Variants in UNC5C observed in about 807,000 individuals in gnomAD.
UNC5C encodes the protein unc-5 netrin receptor C, also known as netrin receptor UNC5C.
UNC5C carries 47 observed loss-of-function variants against 99.8 expected under a neutral mutation model. The observed-to-expected ratio is 0.47, with a 90% CI of 0.37 to 0.60. The LOEUF (loss-of-function observed/expected upper bound fraction) is 0.60. UNC5C is among the 20% of genes least tolerant of loss of function. UNC5C has a pLI of 0.00. For missense variants in UNC5C, 1,062 were observed against 1,165.9 expected (o/e 0.91, Z 1.30); for synonymous variants, 487 against 452.2 (o/e 1.08, Z -0.98).
intron 1 of UNC5C, among the ~76,000 whole-genome samples, chr4:95,455,527 A>T (rs1444430377): frequency 1.3e-5 from 2 of 152,034 alleles, no homozygotes; most frequent in African/African-American, 4.8e-5. Context: ...TTGAGAGGTT[A>T]GGCTGGAGGA....
chr4:95,464,983 G>C (rs1747729170), intron 1 of UNC5C, among the ~76,000 whole-genome samples: 1 of 152,146 alleles, frequency 6.6e-6, no homozygotes, highest in African/African-American at 2.4e-5. Flanking sequence ...TAATGAAAAA[G>C]ATATTCTTGT....
chr4:95,374,678 T>C (rs975213626), intron 1 of UNC5C, among the ~76,000 whole-genome samples: 3 of 151,990 alleles, frequency 2.0e-5, no homozygotes, highest in African/African-American at 7.3e-5. Context: ...AGGAGGAGCA[T>C]AGTTGGGGAA....
chr4:95,383,357 A>G (rs1423861268), intron 1 of UNC5C, among the ~76,000 whole-genome samples: 4 of 152,250 alleles, frequency 2.6e-5, no homozygotes, highest in Admixed American at 2.6e-4. Flanking sequence ...ATGAACAAGC[A>G]CATTCAATTA....
At chr4:95,396,222 A>G (rs1745504806) in intron 1 of UNC5C, among the ~76,000 whole-genome samples, 1 of 152,252 alleles carries the variant, frequency 6.6e-6, no homozygotes, top group South Asian at 2.1e-4. Context: ...AGAACACATG[A>G]ATTCAGGATA....
At position 95,208,849 on chromosome 4, in the gene UNC5C, A is replaced by G. The variant is rs183520378; in HGVS notation, c.1734-2053T>C. Among the ~76,000 whole-genome samples the G allele has an allele frequency of 3.3e-5, 5 of 152,268 alleles. No homozygotes were observed. The East Asian group carries it at 7.7e-4, about 24-fold the overall frequency. On this transcript the variant is annotated intron_variant, in intron 10 of 15. Transcript: ENST00000453304. ...ATGGATTTTTCTCTAGTTTTTGTCT[A>G]TGGTTTACGTATTATTTATTACATA... is the stretch of plus-strand genomic sequence containing the variant.
rs571789020 is a variant in UNC5C, at chr4:95,546,121, C to G, written c.124+2613G>C. ...TCAGCAACAGAATAAAAACCTCATC[C>G]ACATTGTAAAGTGCTTAAAGTAACT... On this transcript the variant is annotated intron_variant, in intron 1 of 15. Coordinates refer to ENST00000453304, the MANE Select transcript of UNC5C (RefSeq NM_003728.4). 7.2e-5 allele frequency among the ~76,000 whole-genome samples: 11 copies of G among 152,268 alleles called. No individual in the cohort carries two copies. In the East Asian group the frequency reaches 1.9e-3, roughly 27 times the overall value.
intron 1 of UNC5C, among the ~76,000 whole-genome samples, chr4:95,381,273 C>A (rs1745062654): frequency 6.6e-6 from 1 of 152,118 alleles, no homozygotes; most frequent in Admixed American, 6.6e-5. Context: ...AAGAGCTATA[C>A]CATGGAGCTG....
chr4:95,291,538 T>C (rs1741450869), intron 3 of UNC5C, among the ~76,000 whole-genome samples: 1 of 152,226 alleles, frequency 6.6e-6, no homozygotes, highest in South Asian at 2.1e-4. Context: ...CTGTGTTCTA[T>C]GAATTCGTTG....
At chr4:95,289,916 T>C (rs963082979) in intron 3 of UNC5C, among the ~76,000 whole-genome samples, 2 of 152,226 alleles carry the variant, frequency 1.3e-5, no homozygotes, top group African/African-American at 4.8e-5. Context: ...GAATAGAGTA[T>C]CTGATTTTTG....
intron 6 of UNC5C, among the ~76,000 whole-genome samples, chr4:95,244,472 T>C (rs1245006709): frequency 6.6e-6 from 1 of 152,204 alleles, no homozygotes; most frequent in African/African-American, 2.4e-5. Flanking sequence ...AGTTTCAGAA[T>C]CCATTATCCC....
intron 1 of UNC5C, among the ~76,000 whole-genome samples, chr4:95,337,150 G>A (rs555740003): frequency 6.6e-5 from 10 of 151,824 alleles, no homozygotes; most frequent in Admixed American, 3.9e-4. Flanking sequence ...ATAAAGCTCC[G>A]CAAAACATGA....
In UNC5C at chr4:95,514,886, C is replaced by T. The variant is rs555680726; in HGVS notation, c.124+33848G>A. 3.0e-4 allele frequency among the ~76,000 whole-genome samples: 46 copies of T among 151,530 alleles called. 1 individual carries two copies. Among genetic ancestry groups the T allele is most frequent in the African/African-American group, 1.1e-3 (45 of 41,334 alleles). On this transcript the variant is annotated intron_variant, in intron 1 of 15. Coordinates refer to ENST00000453304, the MANE Select transcript of UNC5C (RefSeq NM_003728.4). ...ACGGGGTTTCACCATGTTGGCCAGA[C>T]TGGTCTTGAACTCCTGACCTTGTGA... is the stretch of plus-strand genomic sequence containing the variant.
chr4:95,483,635 A>T (rs926930381), intron 1 of UNC5C, among the ~76,000 whole-genome samples: 1 of 151,826 alleles, frequency 6.6e-6, no homozygotes, highest in East Asian at 2.0e-4. Context: ...CTCAGAAGCC[A>T]TCCTTACAAT....
At chr4:95,210,347 G>C (rs1183184302) in intron 10 of UNC5C, among the ~76,000 whole-genome samples, 2 of 152,178 alleles carry the variant, frequency 1.3e-5, no homozygotes, top group Admixed American at 1.3e-4. Context: ...CTTTCAAGAT[G>C]ACATAAATAG....
intron 12 of UNC5C, among the ~76,000 whole-genome samples, chr4:95,190,084 A>G (rs1737009015): frequency 6.6e-6 from 1 of 152,212 alleles, no homozygotes; most frequent in Admixed American, 6.5e-5. Context: ...AAGACTTGGA[A>G]CCAACCCAAA....
At chr4:95,460,449 G>T (rs1428680073) in intron 1 of UNC5C, among the ~76,000 whole-genome samples, 1 of 152,078 alleles carries the variant, frequency 6.6e-6, no homozygotes, top group African/African-American at 2.4e-5. Flanking sequence ...ACATGCTGTG[G>T]GATGGACCTG....
chr4:95,532,716 G>A (rs1294202993), intron 1 of UNC5C, among the ~76,000 whole-genome samples: 1 of 152,112 alleles, frequency 6.6e-6, no homozygotes, highest in African/African-American at 2.4e-5. Flanking sequence ...AGTGAGCAAG[G>A]TGGCTTGTGA....
At chr4:95,438,169 C>T (rs187493743) in intron 1 of UNC5C, among the ~76,000 whole-genome samples, 1 of 151,978 alleles carries the variant, frequency 6.6e-6, no homozygotes, top group African/African-American at 2.4e-5. Flanking sequence ...ATTGCTTTTG[C>T]CAGGGACCAC....
chr4:95,247,910 T>C (rs1303554115), intron 5 of UNC5C: 1 of 152,480 alleles, frequency 6.6e-6, no homozygotes, highest in Non-Finnish European at 1.5e-5. Flanking sequence ...ATTTCAAATG[T>C]TGTTAATCAA....
Sources: allele counts gnomAD v4.1 joint callset (sites outside exome capture counted in the v4.1 genomes callset), GRCh38; gene constraint gnomAD v4.1.1; transcripts MANE v1.5; gene names NCBI Gene and HGNC (gene_info 2026-07-23, HGNC 2026-07-21).